ENOSF1: variants seen among roughly 807,000 people sequenced by gnomAD.
ENOSF1 encodes enolase superfamily member 1.
ENOSF1 carries 73 observed loss-of-function variants against 68.2 expected under a neutral mutation model. The observed-to-expected ratio is 1.07, with a 90% CI of 0.89 to 1.30. The LOEUF is 1.30. Among genes scored for constraint, ENOSF1 ranks in the 50% most tolerant of loss-of-function variants. ENOSF1 has a pLI of 0.00. For missense variants in ENOSF1, 589 were observed against 554.5 expected, an observed-to-expected ratio of 1.06 and a Z score of -0.62; for synonymous variants, 223 against 210.4, an observed-to-expected ratio of 1.06 and a Z score of -0.52.
chr18:677,727 G>A lies in ENOSF1; in HGVS notation c.1048+16C>T, dbSNP rs780626332. 68 of 1,607,036 alleles carry A rather than the reference G, an allele frequency of 4.2e-5. No homozygotes were observed. The highest frequency in any genetic ancestry group is 2.2e-4 in the East Asian group (10 of 44,792). On this transcript the variant is annotated intron_variant, in intron 13 of 15. Transcript: ENST00000647584. Reference sequence around the variant, plus strand: ...GGAAATGAAGGTCTGGTCTGCAGCCGCTGCAGCACGCTTACTTTCAAACTT... The same window carrying A: ...GGAAATGAAGGTCTGGTCTGCAGCCACTGCAGCACGCTTACTTTCAAACTT...
In ENOSF1 at chr18:670,885, G is replaced by C; in HGVS notation, c.*3420C>G. ...GCCTGAAGGTGGGCTGTCTCGGGAA[G>C]GGTGACTTGCCAGCCTACCACACTG... On this transcript the variant is annotated 3_prime_UTR_variant, in exon 16 of 16. Coordinates refer to ENST00000647584, the MANE Select transcript of ENOSF1 (RefSeq NM_017512.7). The C allele has an allele frequency of 1.2e-6, 2 of 1,613,158 alleles. No homozygotes were observed. Among genetic ancestry groups the C allele is most frequent in the Non-Finnish European group, 1.7e-6 (2 of 1,179,416 alleles).
At chr18:667,552 GAGATGGTGATGGTGATGGAGATGGT>G (rs1567990939), downstream of ENOSF1, among the ~76,000 whole-genome samples, 16 of 91,046 alleles carry the variant, frequency 1.8e-4, 5 homozygotes, top group African/African-American at 1.2e-3. Flanking sequence ...GATGGTGATG[GAGATGGTGATGGTGATGGAGATGGT>G]GATGGTGATG....
At chr18:683,472 G>A in intron 10 of ENOSF1, 92 bp from the exon 11 acceptor site, 6 of 1,461,752 alleles carry the variant, frequency 4.1e-6, no homozygotes, top group Non-Finnish European at 5.7e-6. Flanking sequence ...GTCACTCAGT[G>A]CCACCAACAG....
At chr18:704,132 T>C (rs767386385) in intron 2 of ENOSF1, among the ~76,000 whole-genome samples, 4 of 152,098 alleles carry the variant, frequency 2.6e-5, no homozygotes, top group Non-Finnish European at 5.9e-5. Flanking sequence ...TACTCCTTTA[T>C]AGCAATGCAA....
chr18:696,754 A>C (rs1186327642), intron 3 of ENOSF1, among the ~76,000 whole-genome samples: 3 of 152,144 alleles, frequency 2.0e-5, no homozygotes, highest in Non-Finnish European at 2.9e-5. Flanking sequence ...TGTTTACCTC[A>C]AAATACTGAT....
At chr18:704,555 T>A (rs2078721883) in intron 2 of ENOSF1, among the ~76,000 whole-genome samples, 1 of 151,260 alleles carries the variant, frequency 6.6e-6, no homozygotes, top group South Asian at 2.1e-4. Flanking sequence ...TATGTCTACT[T>A]CCCCAATAAG....
intron 14 of ENOSF1, among the ~76,000 whole-genome samples, chr18:675,810 G>C (rs923593286): frequency 1.6e-5 from 2 of 128,182 alleles, no homozygotes; most frequent in Non-Finnish European, 3.3e-5. Context: ...GCTGCCAGGG[G>C]CTTGGGGTTT....
chr18:712,037 G>A (rs2612103), intron 1 of ENOSF1, among the ~76,000 whole-genome samples: 67,555 of 152,028 alleles, frequency 0.44, 15,034 homozygotes, highest in Admixed American at 0.49. Flanking sequence ...GCCAGCGAGC[G>A]CTGTGCTCTA....
Position 671,661 on chromosome 18 carries a change from T to C in ENOSF1, c.*2644A>G. ...TGGGCACTTAACATGTCAGGTGCTG[T>C]GAGGTACTAAGCACCAGTACCAGAG... On this transcript the variant is annotated 3_prime_UTR_variant, in exon 16 of 16. Transcript: ENST00000647584. The C allele has an allele frequency of 1.7e-6, 1 of 588,578 alleles. No homozygotes were observed. Among genetic ancestry groups the C allele is most frequent in the East Asian group, 3.0e-5 (1 of 33,408 alleles). The allele number at this position is 588,578 out of a possible 1,614,324, so 36.5% of individuals were successfully genotyped here. A position where few individuals can be genotyped will look rare whatever the true frequency, so the allele number is the denominator to read the frequency against.
rs1568004379 is a variant in ENOSF1, at chr18:674,418, CA to C, written c.1231-13del. The C allele has an allele frequency of 7.7e-6, 12 of 1,564,536 alleles. No homozygotes were observed. Among genetic ancestry groups the C allele is most frequent in the East Asian group, 4.5e-5 (2 of 44,120 alleles). On this transcript the variant is annotated splice_polypyrimidine_tract_variant and intron_variant, in intron 15 of 15. Transcript: ENST00000647584. ...GAGTAGCCGGGATCCTATCAAAGAC[CA>C]AAAAAATGAGTCCTGTTAACAACCA...
chr18:689,089 A>AC (rs1439674436), intron 8 of ENOSF1, among the ~76,000 whole-genome samples: 2 of 151,778 alleles, frequency 1.3e-5, no homozygotes, highest in African/African-American at 4.8e-5. Flanking sequence ...CCTCAAAACC[A>AC]CCCCATGAAA....
chr18:695,572 GTTGT>G (rs1236645452), intron 3 of ENOSF1, among the ~76,000 whole-genome samples: 5 of 152,068 alleles, frequency 3.3e-5, no homozygotes, highest in Admixed American at 3.3e-4. Flanking sequence ...GCTTGACCTT[GTTGT>G]TTATTACCTC....
rs760381059 is a variant in ENOSF1, at chr18:691,052, T to C, written c.535+16A>G. The C allele has an allele frequency of 1.9e-6, 3 of 1,613,818 alleles. No individual in the cohort carries two copies. The South Asian group carries it at 3.3e-5, about 18-fold the overall frequency. On this transcript the variant is annotated intron_variant, in intron 7 of 15. Transcript: ENST00000647584. ...ATGTTAGCAAAAACAATGAAGAAAA[T>C]TTTCTTACAACCCACCTCTTTCTTT...
chr18:678,897 G>A lies in ENOSF1; in HGVS notation c.877-160C>T, dbSNP rs1288143447. On this transcript the variant is annotated intron_variant, in intron 11 of 15. Transcript: ENST00000647584. ...ATGTCCAGGGGAACACATGCGTGCG[G>A]GAGGGCTCTGTGTATCTGCAGAGGA... Among the ~76,000 whole-genome samples the A allele has an allele frequency of 2.0e-5, 3 of 152,206 alleles. 1 individual carries two copies. Among genetic ancestry groups the A allele is most frequent in the Admixed American group, 2.0e-4 (3 of 15,274 alleles).
chr18:691,579 T>G (rs767890466), intron 5 of ENOSF1: 3 of 257,850 alleles, frequency 1.2e-5, no homozygotes, highest in Admixed American at 5.1e-5. Context: ...GCTCCTGGCT[T>G]CAAGCAATCC....
intron 8 of ENOSF1, 119 bp from the exon 9 acceptor site, chr18:688,727 C>G: frequency 7.1e-6 from 6 of 845,880 alleles, no homozygotes; most frequent in Non-Finnish European, 3.9e-6. Flanking sequence ...AGAGTAACAC[C>G]CATGTGTTGT....
intron 8 of ENOSF1, among the ~76,000 whole-genome samples, chr18:689,270 G>A (rs1319240376): frequency 6.6e-6 from 1 of 152,032 alleles, no homozygotes; most frequent in Non-Finnish European, 1.5e-5. Flanking sequence ...CGAGGGCTTG[G>A]ATCCAAAATA....
At chr18:696,438 C>T (rs2077741821) in intron 3 of ENOSF1, among the ~76,000 whole-genome samples, 1 of 151,998 alleles carries the variant, frequency 6.6e-6, no homozygotes, top group African/African-American at 2.4e-5. Context: ...GTCTCGACCT[C>T]CTGACCTCGT....
chr18:698,003 AGGC>A (rs2145229441), intron 2 of ENOSF1, among the ~76,000 whole-genome samples: 2 of 152,282 alleles, frequency 1.3e-5, no homozygotes, highest in African/African-American at 4.8e-5. Context: ...CATGCTGCCC[AGGC>A]TGGTGTCAAA....
Sources: allele counts gnomAD v4.1 joint callset (sites outside exome capture counted in the v4.1 genomes callset), GRCh38; gene constraint gnomAD v4.1.1; transcripts MANE v1.5; gene names NCBI Gene and HGNC (gene_info 2026-07-23, HGNC 2026-07-21).